Variants in RAD51B observed in about 807,000 individuals in gnomAD.
RAD51B encodes RAD51 paralog B.
In RAD51B, 38 loss-of-function variants were observed where a neutral mutation model predicts 42.2. That is an observed-to-expected ratio of 0.90 (90% CI 0.70 to 1.18). RAD51B has a LOEUF of 1.18. Among genes scored for constraint, RAD51B ranks in the 50% most tolerant of loss-of-function variants. RAD51B has a pLI of 0.00. For missense variants in RAD51B, 373 were observed against 400.7 expected (o/e 0.93, Z 0.59); for synonymous variants, 154 against 145.2 (o/e 1.06, Z -0.43).
intron 8 of RAD51B, among the ~76,000 whole-genome samples, chr14:68,371,036 CAAAAAA>C: frequency 3.8e-5 from 1 of 26,106 alleles, no homozygotes. Flanking sequence ...GACTCTGTCT[CAAAAAA>C]AAAAAAAAAA....
chr14:68,319,685 A>C (rs1223778216), intron 8 of RAD51B, among the ~76,000 whole-genome samples: 1 of 152,186 alleles, frequency 6.6e-6, no homozygotes, highest in Non-Finnish European at 1.5e-5. Flanking sequence ...AACTCAGAGG[A>C]TCAGGTCAGA....
chr14:68,552,703 A>G (rs994137641), intron 10 of RAD51B, among the ~76,000 whole-genome samples: 22 of 152,196 alleles, frequency 1.4e-4, no homozygotes, highest in Non-Finnish European at 2.9e-4. Context: ...TGATGGAAAA[A>G]AAAAGTTAGT....
intron 7 of RAD51B, among the ~76,000 whole-genome samples, chr14:68,128,803 T>C (rs2077826376): frequency 6.6e-6 from 1 of 152,216 alleles, no homozygotes; most frequent in South Asian, 2.1e-4. Context: ...TTCATAATTT[T>C]AATTTAAACT....
chr14:67,938,945 T>C (rs1205493439), intron 7 of RAD51B, among the ~76,000 whole-genome samples: 1 of 152,190 alleles, frequency 6.6e-6, no homozygotes, highest in Non-Finnish European at 1.5e-5. Flanking sequence ...ATCTGTTATG[T>C]AAGAAAAATA....
At chr14:68,447,203 A>C (rs931271203) in intron 9 of RAD51B, among the ~76,000 whole-genome samples, 40 of 152,190 alleles carry the variant, frequency 2.6e-4, no homozygotes, top group African/African-American at 9.4e-4. Context: ...GGGCAACAAG[A>C]GTGAAACTCC....
At position 67,890,021 on chromosome 14, in the gene RAD51B, A is replaced by G. The variant is rs115107622; in HGVS notation, c.756+2817A>G. Among the ~76,000 whole-genome samples, 1,235 of 152,308 alleles carry G rather than the reference A, an allele frequency of 8.1e-3. 14 individuals carry two copies. The highest frequency in any genetic ancestry group is 0.028 in the African/African-American group (1,158 of 41,570). On this transcript the variant is annotated intron_variant, in intron 7 of 10. Coordinates refer to ENST00000471583, the MANE Select transcript of RAD51B (RefSeq NM_133510.4). Reference sequence around the variant, plus strand: ...ACCTTTGTCTTTTTAAAGTGTTCACACTAGTATTGAAAAAACAGTAGGCTC... The same window carrying G: ...ACCTTTGTCTTTTTAAAGTGTTCACGCTAGTATTGAAAAAACAGTAGGCTC...
intron 10 of RAD51B, among the ~76,000 whole-genome samples, chr14:68,643,009 C>T (rs1374931482): frequency 1.0e-5 from 1 of 97,976 alleles, no homozygotes; most frequent in Non-Finnish European, 2.4e-5. Context: ...TGTTTCATGG[C>T]CCATGGTCTG....
intron 9 of RAD51B, among the ~76,000 whole-genome samples, chr14:68,440,746 C>CAA (rs35547028): frequency 2.1e-5 from 3 of 144,400 alleles, no homozygotes; most frequent in African/African-American, 5.1e-5. Context: ...AACTCCATCT[C>CAA]AAAAAAAAAA....
intron 7 of RAD51B, among the ~76,000 whole-genome samples, chr14:68,201,443 A>T (rs183653983): frequency 1.3e-5 from 2 of 152,344 alleles, no homozygotes; most frequent in South Asian, 2.1e-4. Flanking sequence ...AAGCTAATCC[A>T]ATCAACTTGT....
chr14:68,611,357 A>C (rs17834977), exon 11 of RAD51B: 31,606 of 652,030 alleles, frequency 0.048, 1,043 homozygotes, highest in African/African-American at 0.073. Context: ...CCCTTTCAGC[A>C]AAGGATGTCA....
rs192916724 is a variant in RAD51B at position 67,833,825 on chromosome 14, G to C, written c.199-1255G>C. On this transcript the variant is annotated intron_variant, in intron 3 of 10. Transcript: ENST00000471583. ...TTAGATATAGTTGCTAGTACCAAAAGTTTTTATCCCCACTACTATTACCTT... is the reference window on the plus strand; with the variant it reads ...TTAGATATAGTTGCTAGTACCAAAACTTTTTATCCCCACTACTATTACCTT... Among the ~76,000 whole-genome samples, 9 of 152,300 alleles carry C rather than the reference G, an allele frequency of 5.9e-5. No individual in the cohort carries two copies. The East Asian group carries it at 1.5e-3, about 26-fold the overall frequency.
chr14:68,161,982 A>G (rs1371311534), intron 7 of RAD51B, among the ~76,000 whole-genome samples: 2 of 152,224 alleles, frequency 1.3e-5, no homozygotes, highest in Non-Finnish European at 2.9e-5. Context: ...TAGGATGCCT[A>G]TACCTCCTGT....
chr14:67,987,507 A>G (rs892797814), intron 7 of RAD51B, among the ~76,000 whole-genome samples: 1 of 152,182 alleles, frequency 6.6e-6, no homozygotes, highest in Non-Finnish European at 1.5e-5. Flanking sequence ...GAAGCCTGTT[A>G]CTTATTTGTA....
intron 7 of RAD51B, among the ~76,000 whole-genome samples, chr14:67,906,063 A>G (rs953737720): frequency 4.6e-5 from 7 of 152,012 alleles, no homozygotes; most frequent in African/African-American, 1.7e-4. Flanking sequence ...ATTCTGCGGT[A>G]TGTTTCTTCA....
chr14:68,468,596 G>A (rs2086044806), intron 10 of RAD51B: 1 of 363,368 alleles, frequency 2.8e-6, no homozygotes, highest in African/African-American at 2.1e-5. Context: ...ACACCAGTGT[G>A]GAGGTGAGGA....
At chr14:67,978,867 C>T (rs2075041205) in intron 7 of RAD51B, among the ~76,000 whole-genome samples, 1 of 152,146 alleles carries the variant, frequency 6.6e-6, no homozygotes, top group East Asian at 1.9e-4. Flanking sequence ...TGAGCATTTC[C>T]TTCTGAAAAA....
chr14:68,395,659 C>T (rs573711873), intron 8 of RAD51B, among the ~76,000 whole-genome samples: 4 of 152,110 alleles, frequency 2.6e-5, no homozygotes, highest in Admixed American at 2.6e-4. Flanking sequence ...TCTGGTACAG[C>T]GGATTCCTTT....
chr14:68,069,199 A>C (rs969264556), intron 7 of RAD51B, among the ~76,000 whole-genome samples: 2 of 152,154 alleles, frequency 1.3e-5, no homozygotes, highest in Non-Finnish European at 2.9e-5. Context: ...GATCAGAGCT[A>C]TGGTTTATAA....
intron 7 of RAD51B, among the ~76,000 whole-genome samples, chr14:68,205,958 G>T (rs528471507): frequency 1.3e-5 from 2 of 152,120 alleles, no homozygotes; most frequent in East Asian, 3.9e-4. Context: ...TTGTCAGTTG[G>T]CTCAAAGATA....
Sources: gnomAD v4.1 joint callset for allele counts (sites outside exome capture counted in the v4.1 genomes callset) on GRCh38, gnomAD v4.1.1 for gene constraint, MANE v1.5 for transcripts, NCBI Gene and HGNC (gene_info 2026-07-23, HGNC 2026-07-21) for gene names.